The following ARHGAP1 variants were observed in gnomAD, a reference collection of about 807,000 sequenced individuals.
ARHGAP1 encodes rho GTPase-activating protein 1.
A neutral mutation model predicts 52.2 loss-of-function variants in ARHGAP1; 23 were observed. The ratio of observed to expected loss-of-function variants is 0.44; its 90% confidence interval spans 0.32 to 0.62. The LOEUF is 0.62. ARHGAP1 is among the 20% of genes least tolerant of loss of function. ARHGAP1 has a pLI of 0.05. For missense variants in ARHGAP1, 480 were observed against 560.9 expected (o/e 0.86, Z 1.46); for synonymous variants, 210 against 228.4 (o/e 0.92, Z 0.73).
chr11:46,681,052 G>C lies in ARHGAP1; in HGVS notation c.594C>G (p.His198Gln), dbSNP rs141220442. Residue 198 changes from histidine to glutamine, a missense_variant, in exon 7 of 13, where the codon CAC (histidine) becomes CAG (glutamine). Coordinates refer to ENST00000311956, the MANE Select transcript of ARHGAP1 (RefSeq NM_004308.5). This position sits in a 1 kb window ranked among gnomAD's most constrained non-coding sequence, Gnocchi z 5.7. ...GGATCCCCAGCTGCTCCAGCTTCAC[G>C]TGCTCGCTCAGCTCGCTCAGGTAAT... Reference protein sequence around the residue: ...YVNYLSELSEHVKLEQLGIPR... With the variant: ...YVNYLSELSEQVKLEQLGIPR... The C allele has an allele frequency of 1.5e-5, 24 of 1,614,026 alleles. No individual in the cohort carries two copies. The highest frequency in any genetic ancestry group is 2.0e-5 in the Non-Finnish European group (24 of 1,180,044).
intron 3 of ARHGAP1, among the ~76,000 whole-genome samples, chr11:46,692,938 C>T (rs2082455282): frequency 2.0e-5 from 3 of 151,812 alleles, no homozygotes; most frequent in Non-Finnish European, 2.9e-5. Context: ...CTGCAAGCTC[C>T]GCCTCCCGGG....
chr11:46,687,543 G>A (rs2064580494), intron 4 of ARHGAP1: 1 of 152,280 alleles, frequency 6.6e-6, no homozygotes, highest in African/African-American at 2.4e-5. Flanking sequence ...AGGGCAAGAT[G>A]GTCTCACTCT....
chr11:46,678,423 G>A lies in ARHGAP1; in HGVS notation c.*614C>T, dbSNP rs1378047462. ...CTTGGGAAAGGCTGACCCAGGATGT[G>A]TGGAAGAGGAGGCAGAAAGCAGACA... On this transcript the variant is annotated 3_prime_UTR_variant, in exon 13 of 13. Transcript: ENST00000311956. The A allele has an allele frequency of 6.1e-6, 1 of 164,826 alleles. No individual in the cohort carries two copies. Among genetic ancestry groups the A allele is most frequent in the South Asian group, 1.4e-4 (1 of 7,020 alleles). The allele number at this position is 164,826 out of a possible 1,614,324, so 10.2% of individuals were successfully genotyped here. A position where few individuals can be genotyped will look rare whatever the true frequency, so the allele number is the denominator to read the frequency against.
At chr11:46,698,367 C>G (rs1371209138) in intron 1 of ARHGAP1, among the ~76,000 whole-genome samples, 1 of 151,838 alleles carries the variant, frequency 6.6e-6, no homozygotes, top group Non-Finnish European at 1.5e-5. Context: ...TTTGGGAGCC[C>G]AAGGTGGGTG....
chr11:46,693,512 C>T (rs2064630353), intron 3 of ARHGAP1, among the ~76,000 whole-genome samples: 1 of 151,636 alleles, frequency 6.6e-6, no homozygotes, highest in African/African-American at 2.4e-5. Context: ...CTGAAAGGAT[C>T]CTCCCACCTC....
chr11:46,696,993 T>C lies in ARHGAP1; in HGVS notation c.-49-837A>G, dbSNP rs897171984. 2.0e-5 allele frequency: 3 copies of C among 152,234 alleles called. No homozygotes were observed. Among genetic ancestry groups the C allele is most frequent in the African/African-American group, 7.2e-5 (3 of 41,424 alleles). The allele number at this position is 152,234 out of a possible 1,614,324, so 9.4% of individuals were successfully genotyped here. On this transcript the variant is annotated intron_variant, in intron 1 of 12. Transcript: ENST00000311956. The surrounding 1 kb of genome is among the most constrained non-coding windows in gnomAD (Gnocchi z 4.8). ...CAGTCATTGCAGACAGTCTGCAGGC[T>C]CCTAGGGGCGTCCAAGCCCACTCTT... is the stretch of plus-strand genomic sequence containing the variant.
At position 46,680,341 on chromosome 11, in the gene ARHGAP1, C is replaced by T. The variant is rs2064514998; in HGVS notation, c.821-59G>A. The T allele has an allele frequency of 6.3e-7, 1 of 1,596,790 alleles. No individual in the cohort carries two copies. Among genetic ancestry groups the T allele is most frequent in the South Asian group, 1.1e-5 (1 of 90,714 alleles). On this transcript the variant is annotated intron_variant, in intron 9 of 12. Transcript: ENST00000311956. This position sits in a 1 kb window ranked among gnomAD's most constrained non-coding sequence, Gnocchi z 5.9. ...CGCTGGGCACCGGCTGGATTCCCTG[C>T]CCCTTCTCTGTCTTGGGGTTCTAGG...
intron 3 of ARHGAP1, among the ~76,000 whole-genome samples, chr11:46,692,855 T>G (rs1592391129): frequency 3.0e-5 from 1 of 33,410 alleles, no homozygotes; most frequent in Non-Finnish European, 5.0e-5. Flanking sequence ...ACCCAGCTAA[T>G]TTTTTTTTTT....
chr11:46,685,661 G>A (rs1010403063), intron 4 of ARHGAP1, among the ~76,000 whole-genome samples: 2 of 148,830 alleles, frequency 1.3e-5, no homozygotes, highest in Non-Finnish European at 3.0e-5. Flanking sequence ...AGCCCTGGGA[G>A]GTGGGCACAA....
chr11:46,697,042 C>T (rs771872527), intron 1 of ARHGAP1: 5 of 152,282 alleles, frequency 3.3e-5, no homozygotes, highest in Non-Finnish European at 7.3e-5. Context: ...CTCCTGACAC[C>T]AGTTTCAAGG....
chr11:46,685,720 C>A (rs1364891865), intron 4 of ARHGAP1, among the ~76,000 whole-genome samples: 1 of 149,924 alleles, frequency 6.7e-6, no homozygotes, highest in Non-Finnish European at 1.5e-5. Context: ...GCTCTGTTGC[C>A]CAGGCTGGAG....
In ARHGAP1 at chr11:46,688,191, T is replaced by C. The variant is rs1282786737; in HGVS notation, c.299A>G (p.Asp100Gly). 1.2e-6 allele frequency: 2 copies of C among 1,613,794 alleles called. No homozygotes were observed. The highest frequency in any genetic ancestry group is 1.7e-6 in the Non-Finnish European group (2 of 1,179,908). The part of the protein sequence containing the change: ...ACRMPPSHQL[D>G]HSKLLGYLKH... ...TACTCACCCCAGGAGCTTGCTGTGG[T>C]CGAGCTGGTGGCTGGGGGGCATTCG... Residue 100 changes from aspartate to glycine, a missense_variant, in exon 4 of 13, where the codon GAC becomes GGC. Asp to Gly is a moderately conservative substitution (Grantham distance 94, BLOSUM62 -1). Coordinates refer to ENST00000311956, the MANE Select transcript of ARHGAP1 (RefSeq NM_004308.5).
intron 3 of ARHGAP1, among the ~76,000 whole-genome samples, chr11:46,689,945 A>T (rs1211195508): frequency 6.6e-6 from 1 of 152,188 alleles, no homozygotes; most frequent in Non-Finnish European, 1.5e-5. Flanking sequence ...AGCAGTGTGT[A>T]TTTGGAAAGC....
intron 1 of ARHGAP1, chr11:46,697,550 A>T (rs1420220201): frequency 6.6e-6 from 1 of 152,146 alleles, no homozygotes; most frequent in South Asian, 2.1e-4. Context: ...CACACATCAC[A>T]TCACAGCCAA....
At position 46,695,964 on chromosome 11, in the gene ARHGAP1, C is replaced by G. The variant is rs1375927462; in HGVS notation, c.133+11G>C. ...GCGCCTGTAGCTGCCTGAGACCAGACACAAGCCCACCTGACTTGGGGAAGT... is the reference window on the plus strand; with the variant it reads ...GCGCCTGTAGCTGCCTGAGACCAGAGACAAGCCCACCTGACTTGGGGAAGT... On this transcript the variant is annotated intron_variant, in intron 2 of 12. Coordinates refer to ENST00000311956, the MANE Select transcript of ARHGAP1 (RefSeq NM_004308.5). 8 of 1,614,208 alleles carry G rather than the reference C, an allele frequency of 5.0e-6. No homozygotes were observed. Among genetic ancestry groups the G allele is most frequent in the Non-Finnish European group, 6.8e-6 (8 of 1,180,026 alleles).
chr11:46,682,399 C>T (rs1190412053), intron 4 of ARHGAP1, among the ~76,000 whole-genome samples: 1 of 152,124 alleles, frequency 6.6e-6, no homozygotes, highest in Non-Finnish European at 1.5e-5. Flanking sequence ...AATAACAGCT[C>T]TCAGCCGGGC....
intron 4 of ARHGAP1, among the ~76,000 whole-genome samples, chr11:46,686,425 G>A (rs1199388957): frequency 6.6e-6 from 1 of 151,714 alleles, no homozygotes; most frequent in Non-Finnish European, 1.5e-5. Flanking sequence ...CTTCAGGCAC[G>A]TTCTTTTTTT....
In ARHGAP1 at chr11:46,679,568, G is replaced by C; in HGVS notation, c.1027+80C>G. 6.2e-7 allele frequency: 1 copy of C among 1,608,106 alleles called. No homozygotes were observed. Among genetic ancestry groups the C allele is most frequent in the Non-Finnish European group, 8.5e-7 (1 of 1,176,276 alleles). On this transcript the variant is annotated intron_variant, in intron 11 of 12. Transcript: ENST00000311956. This position sits in a 1 kb window ranked among gnomAD's most constrained non-coding sequence, Gnocchi z 4.4. Reference sequence around the variant, plus strand: ...GGGAGACCCCCAGCAGTCTTCCCTGGGAGGCGCCTAGGCCCGAAAGCCTGC... The same window carrying C: ...GGGAGACCCCCAGCAGTCTTCCCTGCGAGGCGCCTAGGCCCGAAAGCCTGC...
In ARHGAP1 at chr11:46,679,963, G is replaced by C. The variant is rs2064511272; in HGVS notation, c.899-187C>G. On this transcript the variant is annotated intron_variant, in intron 10 of 12. Coordinates refer to ENST00000311956, the MANE Select transcript of ARHGAP1 (RefSeq NM_004308.5). The surrounding 1 kb of genome is among the most constrained non-coding windows in gnomAD (Gnocchi z 4.4). ...AGAATGCAGGTTCCGGCCATCTGGG[G>C]AAGTGGGGCCCGGCACACCCCACCG... 8.9e-7 allele frequency: 1 copy of C among 1,121,682 alleles called. No homozygotes were observed. Among genetic ancestry groups the C allele is most frequent in the African/African-American group, 1.6e-5 (1 of 63,606 alleles). The allele number at this position is 1,121,682 out of a possible 1,614,324, so 69.5% of individuals were successfully genotyped here.
Sources: gnomAD v4.1 joint callset for allele counts (sites outside exome capture counted in the v4.1 genomes callset) on GRCh38, gnomAD v4.1.1 for gene constraint, Gnocchi (gnomAD v3.1) non-coding constraint, MANE v1.5 for transcripts, NCBI Gene and HGNC (gene_info 2026-07-23, HGNC 2026-07-21) for gene names.